ZNF609: variants seen among roughly 807,000 people sequenced by gnomAD.
The protein encoded by ZNF609 is zinc finger protein 609.
ZNF609 carries 11 observed loss-of-function variants against 109.5 expected under a neutral mutation model. That is an observed-to-expected ratio of 0.10 (90% confidence interval 0.06 to 0.17). The LOEUF (loss-of-function observed/expected upper bound fraction) is 0.17. ZNF609 is among the 10% of genes least tolerant of loss of function. The pLI is 1.00. For missense variants in ZNF609, 1,559 were observed against 1,772.4 expected, an observed-to-expected ratio of 0.88 and a Z score of 2.16; for synonymous variants, 646 against 662.0, an observed-to-expected ratio of 0.98 and a Z score of 0.37.
intron 1 of ZNF609, among the ~76,000 whole-genome samples, chr15:64,478,581 T>C (rs1456188746): frequency 1.3e-5 from 2 of 152,102 alleles, no homozygotes; most frequent in Admixed American, 6.6e-5. Flanking sequence ...TTTCACCATG[T>C]TGGCCAGGCT....
At chr15:64,501,915 T>G (rs573084190) in intron 2 of ZNF609, 2 of 152,314 alleles carry the variant, frequency 1.3e-5, no homozygotes, top group South Asian at 2.1e-4. Flanking sequence ...TTTTCTCACA[T>G]AGAGGTGCAG....
At chr15:64,586,196 C>T (rs568474175) in intron 2 of ZNF609, among the ~76,000 whole-genome samples, 96 of 151,780 alleles carry the variant, frequency 6.3e-4, no homozygotes, top group African/African-American at 2.2e-3. Context: ...CGTGGTGGCA[C>T]GCACCTGTAG....
intron 1 of ZNF609, among the ~76,000 whole-genome samples, chr15:64,493,269 G>A (rs1017583618): frequency 1.3e-5 from 2 of 152,074 alleles, no homozygotes; most frequent in Admixed American, 6.6e-5. Context: ...TCTGAGCTGG[G>A]ACAGAAACCT....
intron 4 of ZNF609, among the ~76,000 whole-genome samples, chr15:64,673,493 G>C (rs1471399596): frequency 6.6e-6 from 1 of 152,204 alleles, no homozygotes; most frequent in Non-Finnish European, 1.5e-5. Context: ...TATCTTCATA[G>C]TGAGGTATGT....
chr15:64,547,786 A>C (rs1894391974), intron 2 of ZNF609, among the ~76,000 whole-genome samples: 1 of 152,154 alleles, frequency 6.6e-6, no homozygotes, highest in South Asian at 2.1e-4. Context: ...TTTAAATTAC[A>C]TTCTAGTGGG....
chr15:64,672,925 C>T (rs553216704), intron 4 of ZNF609, among the ~76,000 whole-genome samples: 65 of 149,306 alleles, frequency 4.4e-4, no homozygotes, highest in Non-Finnish European at 6.9e-4. Flanking sequence ...GATCGTGCCA[C>T]TGCGCTCCAG....
intron 2 of ZNF609, among the ~76,000 whole-genome samples, chr15:64,582,732 T>TC (rs1179432941): frequency 2.3e-5 from 3 of 132,946 alleles, no homozygotes; most frequent in Non-Finnish European, 3.1e-5. Context: ...TCTTTTTTTT[T>TC]TTTTTTGAGA....
chr15:64,591,382 C>T (rs1196301170), intron 2 of ZNF609, among the ~76,000 whole-genome samples: 3 of 151,966 alleles, frequency 2.0e-5, no homozygotes, highest in Admixed American at 6.6e-5. Context: ...GAGCCAAGAT[C>T]GCGCCACTGC....
At chr15:64,478,754 T>C (rs2140335681) in intron 1 of ZNF609, among the ~76,000 whole-genome samples, 1 of 152,284 alleles carries the variant, frequency 6.6e-6, no homozygotes, top group Admixed American at 6.5e-5. Flanking sequence ...AGAGTTCTAA[T>C]ATTGGGTGGT....
At chr15:64,541,689 A>C (rs1328570200) in intron 2 of ZNF609, among the ~76,000 whole-genome samples, 3 of 148,700 alleles carry the variant, frequency 2.0e-5, no homozygotes, top group African/African-American at 7.4e-5. Flanking sequence ...AAATACAAAC[A>C]ATTAGCCGGG....
In ZNF609 at chr15:64,592,168, G is replaced by GA. The variant is rs112857602; in HGVS notation, c.748-30645dup. Among the ~76,000 whole-genome samples the GA allele has an allele frequency of 9.7e-3, 1,227 of 126,406 alleles. 8 individuals are homozygous for GA. Among genetic ancestry groups the GA allele is most frequent in the Non-Finnish European group, 0.011 (670 of 58,378 alleles). 82.9% of individuals were successfully genotyped at this position (126,406 alleles called of 152,430 possible). On this transcript the variant is annotated intron_variant, in intron 2 of 9. Transcript: ENST00000326648. Reference sequence around the variant, plus strand: ...AGCAGAGGGAAGACCCTGCCTCAAAGAAAAAAAAAAAAAAGATATTTCTCT... The same window carrying GA: ...AGCAGAGGGAAGACCCTGCCTCAAAGAAAAAAAAAAAAAAAGATATTTCTCT...
At chr15:64,603,513 C>T (rs1025833599) in intron 2 of ZNF609, among the ~76,000 whole-genome samples, 1 of 151,716 alleles carries the variant, frequency 6.6e-6, no homozygotes, top group African/African-American at 2.4e-5. Flanking sequence ...AGGTGATCTG[C>T]CTGCTTCGGC....
chr15:64,601,540 A>G (rs2140948559), intron 2 of ZNF609, among the ~76,000 whole-genome samples: 1 of 152,364 alleles, frequency 6.6e-6, no homozygotes, highest in Non-Finnish European at 1.5e-5. Context: ...TTTACAAAAG[A>G]TGAATGTGCT....
chr15:64,657,105 A>G lies in ZNF609; in HGVS notation c.974-13241A>G, dbSNP rs28475166. Among the ~76,000 whole-genome samples, 591 of 151,786 alleles carry G rather than the reference A, an allele frequency of 3.9e-3. 4 individuals carry two copies. The highest frequency in any genetic ancestry group is 0.014 in the African/African-American group (560 of 41,380). On this transcript the variant is annotated intron_variant, in intron 3 of 9. Coordinates refer to ENST00000326648, the MANE Select transcript of ZNF609 (RefSeq NM_015042.2). ...GAAACCCGTCTCTACTAAAAATACAAAAAATTAGCCGGGCATGGTGATGCG... is the reference window on the plus strand; with the variant it reads ...GAAACCCGTCTCTACTAAAAATACAGAAAATTAGCCGGGCATGGTGATGCG...
At chr15:64,555,966 A>C (rs935537702) in intron 2 of ZNF609, among the ~76,000 whole-genome samples, 1 of 150,762 alleles carries the variant, frequency 6.6e-6, no homozygotes, top group Non-Finnish European at 1.5e-5. Flanking sequence ...ATAATCCTAC[A>C]TGTAGCAATA....
intron 3 of ZNF609, chr15:64,631,542 T>C: frequency 2.0e-6 from 1 of 501,890 alleles, no homozygotes; most frequent in South Asian, 1.9e-5. Flanking sequence ...CTTTTCTTTC[T>C]TTTTTTTTAG....
At chr15:64,493,154 T>A (rs1435933535) in intron 1 of ZNF609, among the ~76,000 whole-genome samples, 1 of 152,030 alleles carries the variant, frequency 6.6e-6, no homozygotes, top group Non-Finnish European at 1.5e-5. Flanking sequence ...ATTGGCTCTT[T>A]GAAGCCTTCT....
At chr15:64,564,045 G>T (rs1016024687) in intron 2 of ZNF609, among the ~76,000 whole-genome samples, 4 of 151,524 alleles carry the variant, frequency 2.6e-5, no homozygotes, top group Admixed American at 1.3e-4. Context: ...CACCACACCC[G>T]GCCTAAATTT....
intron 3 of ZNF609, among the ~76,000 whole-genome samples, chr15:64,628,052 C>T (rs1485852599): frequency 1.3e-5 from 2 of 151,338 alleles, no homozygotes; most frequent in African/African-American, 4.8e-5. Flanking sequence ...GCAGATGGAT[C>T]ACTTGAGCCC....
Sources: gnomAD v4.1 joint callset for allele counts (sites outside exome capture counted in the v4.1 genomes callset) on GRCh38, gnomAD v4.1.1 for gene constraint, MANE v1.5 for transcripts, NCBI Gene and HGNC (gene_info 2026-07-23, HGNC 2026-07-21) for gene names.